FTO: variants seen among roughly 807,000 people sequenced by gnomAD.
FTO encodes the protein FTO alpha-ketoglutarate dependent dioxygenase.
A neutral mutation model predicts 63.9 loss-of-function variants in FTO; 47 were observed. That is an observed-to-expected ratio of 0.74 (90% CI 0.58 to 0.94). The LOEUF (loss-of-function observed/expected upper bound fraction) is 0.94. FTO is among the 40% of genes least tolerant of loss of function. FTO has a pLI of 0.00. For synonymous variants in FTO, 207 were observed against 224.4 expected, an observed-to-expected ratio of 0.92 and a Z score of 0.69; for missense variants, 562 against 618.1, an observed-to-expected ratio of 0.91 and a Z score of 0.96.
intron 1 of FTO, among the ~76,000 whole-genome samples, chr16:53,757,348 A>G (rs576422022): frequency 3.0e-4 from 46 of 152,200 alleles, no homozygotes; most frequent in Admixed American, 2.8e-3. Flanking sequence ...ATGGCTGATC[A>G]TTTTGTGTTT....
intron 8 of FTO, among the ~76,000 whole-genome samples, chr16:53,956,306 A>G (rs1433051119): frequency 6.6e-6 from 1 of 152,124 alleles, no homozygotes; most frequent in African/African-American, 2.4e-5. Context: ...GTCAGAACCA[A>G]GAGGATCTGT....
chr16:53,916,020 G>T (rs750707309), intron 7 of FTO, among the ~76,000 whole-genome samples: 3 of 152,144 alleles, frequency 2.0e-5, no homozygotes, highest in Non-Finnish European at 4.4e-5. Flanking sequence ...GTTGTCCTTG[G>T]GGCAGCTCAA....
chr16:53,974,361 A>G, intron 8 of FTO, among the ~76,000 whole-genome samples: 1 of 152,348 alleles, frequency 6.6e-6, no homozygotes, highest in South Asian at 2.1e-4. Context: ...ATTATAAAGA[A>G]TTATTTCCGT....
At chr16:53,980,017 CA>C (rs1186090725) in intron 8 of FTO, among the ~76,000 whole-genome samples, 1 of 152,172 alleles carries the variant, frequency 6.6e-6, no homozygotes, top group African/African-American at 2.4e-5. Context: ...ACCAGTAAAA[CA>C]CTCATGGCTC....
chr16:54,104,547 G>A (rs1010518525), intron 8 of FTO, among the ~76,000 whole-genome samples: 4 of 151,982 alleles, frequency 2.6e-5, no homozygotes, highest in South Asian at 2.1e-4. Context: ...TCCTGACCTC[G>A]TGATCTGCCC....
chr16:53,861,810 A>G (rs1402670592), intron 4 of FTO, among the ~76,000 whole-genome samples: 1 of 152,178 alleles, frequency 6.6e-6, no homozygotes, highest in East Asian at 1.9e-4. Context: ...TGTAGTTTCT[A>G]ATAATATTTA....
intron 1 of FTO, among the ~76,000 whole-genome samples, chr16:53,760,658 G>C (rs2077045469): frequency 7.0e-6 from 1 of 141,932 alleles, no homozygotes; most frequent in Non-Finnish European, 1.5e-5. Context: ...ACTGAGTCTG[G>C]CTCTGTTGCC....
chr16:53,754,520 C>T (rs1181105292), intron 1 of FTO, among the ~76,000 whole-genome samples: 1 of 152,152 alleles, frequency 6.6e-6, no homozygotes, highest in Non-Finnish European at 1.5e-5. Context: ...TGCCTATAAT[C>T]CCAGCTATTC....
chr16:53,806,091 T>C (rs1226974040), intron 1 of FTO, among the ~76,000 whole-genome samples: 2 of 152,206 alleles, frequency 1.3e-5, no homozygotes, highest in Non-Finnish European at 2.9e-5. Flanking sequence ...GTTGTGTGTT[T>C]TTACTGTGGT....
chr16:53,969,015 C>T (rs1383552273), intron 8 of FTO, among the ~76,000 whole-genome samples: 2 of 152,180 alleles, frequency 1.3e-5, no homozygotes, highest in Non-Finnish European at 2.9e-5. Flanking sequence ...CTCAGATTTA[C>T]CTGACCCTTC....
At chr16:53,754,625 G>A (rs1425217021) in intron 1 of FTO, among the ~76,000 whole-genome samples, 2 of 151,906 alleles carry the variant, frequency 1.3e-5, no homozygotes, top group African/African-American at 2.4e-5. Flanking sequence ...ATGACAGAGC[G>A]AGACTTCGTC....
At chr16:53,879,809 G>T in intron 5 of FTO, 35 bp from the exon 6 acceptor site, 1 of 1,611,514 alleles carries the variant, frequency 6.2e-7, no homozygotes. Flanking sequence ...CTTAGATTTT[G>T]CCCATAATTG....
intron 1 of FTO, among the ~76,000 whole-genome samples, chr16:53,771,145 G>A (rs1289688452): frequency 1.3e-5 from 2 of 152,098 alleles, no homozygotes; most frequent in East Asian, 1.9e-4. Flanking sequence ...AACATTTCAA[G>A]CAACTCTGAA....
chr16:53,942,303 G>A (rs746920647), intron 8 of FTO, among the ~76,000 whole-genome samples: 10 of 152,156 alleles, frequency 6.6e-5, no homozygotes, highest in African/African-American at 1.7e-4. Context: ...TCCAGCATGA[G>A]CAAAGAGGGA....
chr16:53,745,044 A>G (rs749184112), intron 1 of FTO, among the ~76,000 whole-genome samples: 2 of 152,198 alleles, frequency 1.3e-5, no homozygotes, highest in Middle Eastern at 3.2e-3. Context: ...GATTTTCAAC[A>G]TAAGAACTGT....
chr16:54,114,573 A>G lies in FTO; in HGVS notation c.*2658A>G, dbSNP rs1475245936. ...AAAGTCCTCCAGGTGGAGTCAGGGAATGTGCAACAGGGTTGGAGAAATCAC... is the reference window on the plus strand; with the variant it reads ...AAAGTCCTCCAGGTGGAGTCAGGGAGTGTGCAACAGGGTTGGAGAAATCAC... On this transcript the variant is annotated 3_prime_UTR_variant, in exon 9 of 9. Coordinates refer to ENST00000471389, the MANE Select transcript of FTO (RefSeq NM_001080432.3). 6.6e-6 allele frequency: 1 copy of G among 152,156 alleles called. No individual in the cohort carries two copies. Among genetic ancestry groups the G allele is most frequent in the Non-Finnish European group, 1.5e-5 (1 of 68,052 alleles). 9.4% of individuals were successfully genotyped at this position (152,156 alleles called of 1,614,324 possible). A position where few individuals can be genotyped will look rare whatever the true frequency, so the allele number is the denominator to read the frequency against.
At chr16:53,824,509 G>T (rs544430738) in intron 2 of FTO, among the ~76,000 whole-genome samples, 1 of 151,980 alleles carries the variant, frequency 6.6e-6, no homozygotes. Context: ...ACAATTTGGG[G>T]TTGCTTTTCT....
chr16:53,816,053 A>G lies in FTO; in HGVS notation c.123+5836A>G, dbSNP rs922570404. 6.6e-5 allele frequency among the ~76,000 whole-genome samples: 10 copies of G among 151,994 alleles called. No homozygotes were observed. The East Asian group carries it at 1.9e-3, about 30-fold the overall frequency. ...CTCGTCATAGGGAGTTCTTGGTTCC[A>G]CCCTGACTCTGCTGTGCCCTCTTAT... On this transcript the variant is annotated intron_variant, in intron 2 of 8. Coordinates refer to ENST00000471389, the MANE Select transcript of FTO (RefSeq NM_001080432.3).
At chr16:53,787,445 C>G (rs1272099710) in intron 1 of FTO, among the ~76,000 whole-genome samples, 1 of 151,402 alleles carries the variant, frequency 6.6e-6, no homozygotes, top group Non-Finnish European at 1.5e-5. Context: ...TTTTACAGAT[C>G]AGGATACTAA....
Sources: allele counts gnomAD v4.1 joint callset (sites outside exome capture counted in the v4.1 genomes callset), GRCh38; gene constraint gnomAD v4.1.1; transcripts MANE v1.5; gene names NCBI Gene and HGNC (gene_info 2026-07-23, HGNC 2026-07-21).